Variants in PTPRR observed in about 807,000 individuals in gnomAD.
PTPRR encodes receptor-type tyrosine-protein phosphatase R.
PTPRR carries 38 observed loss-of-function variants against 77.2 expected under a neutral mutation model. That is an observed-to-expected ratio of 0.49 (90% confidence interval 0.38 to 0.65). The LOEUF (loss-of-function observed/expected upper bound fraction) is 0.65, where lower values mean the gene tolerates loss of function less well. PTPRR is among the 30% of genes least tolerant of loss of function. The pLI is 0.00. For synonymous variants in PTPRR, 299 were observed against 283.1 expected, an observed-to-expected ratio of 1.06 and a Z score of -0.57; for missense variants, 744 against 799.2, an observed-to-expected ratio of 0.93 and a Z score of 0.83.
At chr12:70,914,934 T>C (rs1893753121) in intron 1 of PTPRR, among the ~76,000 whole-genome samples, 1 of 152,172 alleles carries the variant, frequency 6.6e-6, no homozygotes, top group Non-Finnish European at 1.5e-5. Context: ...GGGAGATAAC[T>C]GAGATGGAAA....
intron 6 of PTPRR, among the ~76,000 whole-genome samples, chr12:70,711,015 G>A (rs1888807789): frequency 6.6e-6 from 1 of 152,084 alleles, no homozygotes; most frequent in Admixed American, 6.6e-5. Context: ...CCTATAGACA[G>A]AAATATCATT....
chr12:70,869,095 T>C (rs1426127787), intron 2 of PTPRR, among the ~76,000 whole-genome samples: 1 of 148,804 alleles, frequency 6.7e-6, no homozygotes, highest in Non-Finnish European at 1.5e-5. Context: ...AATGACGAGT[T>C]AATGGGTGCA....
chr12:70,658,112 C>G (rs200835584), intron 12 of PTPRR, among the ~76,000 whole-genome samples: 21 of 152,270 alleles, frequency 1.4e-4, no homozygotes, highest in African/African-American at 5.1e-4. Flanking sequence ...AACTTTCAAG[C>G]CTTATGTATT....
intron 2 of PTPRR, among the ~76,000 whole-genome samples, chr12:70,889,399 T>A (rs1262101812): frequency 6.6e-6 from 1 of 152,138 alleles, no homozygotes; most frequent in East Asian, 1.9e-4. Context: ...CAAAAGGTAG[T>A]CAACAGCAGA....
intron 6 of PTPRR, among the ~76,000 whole-genome samples, chr12:70,733,084 G>A (rs1051736830): frequency 4.9e-4 from 74 of 152,136 alleles, no homozygotes; most frequent in African/African-American, 1.7e-3. Context: ...CCTGGAAAAG[G>A]GGAGAATCCT....
At chr12:70,884,074 G>A (rs146338727) in intron 2 of PTPRR, among the ~76,000 whole-genome samples, 55 of 152,328 alleles carry the variant, frequency 3.6e-4, no homozygotes, top group African/African-American at 1.2e-3. Flanking sequence ...TTGTAGACTA[G>A]CACTGGGAGT....
At chr12:70,701,374 G>A in intron 6 of PTPRR, 51 bp from the exon 7 acceptor site, 1 of 1,531,614 alleles carries the variant, frequency 6.5e-7, no homozygotes, top group Non-Finnish European at 9.0e-7. Flanking sequence ...TATTTTGATT[G>A]CAAAAACTTG....
At chr12:70,849,945 T>C (rs573874232) in intron 2 of PTPRR, among the ~76,000 whole-genome samples, 5 of 152,324 alleles carry the variant, frequency 3.3e-5, no homozygotes, top group Non-Finnish European at 7.4e-5. Context: ...TTGCCTAAAC[T>C]ATAAATGCAA....
At chr12:70,713,915 A>G (rs1888923986) in intron 6 of PTPRR, among the ~76,000 whole-genome samples, 1 of 152,128 alleles carries the variant, frequency 6.6e-6, no homozygotes, top group South Asian at 2.1e-4. Flanking sequence ...TATTTGGTCA[A>G]ACCTTATTGT....
At chr12:70,710,985 C>A (rs569040499) in intron 6 of PTPRR, among the ~76,000 whole-genome samples, 1 of 152,048 alleles carries the variant, frequency 6.6e-6, no homozygotes, top group African/African-American at 2.4e-5. Context: ...GTGAAAGACA[C>A]GGTGGCAATT....
chr12:70,755,839 T>A (rs1159987104), intron 4 of PTPRR, among the ~76,000 whole-genome samples: 1 of 152,184 alleles, frequency 6.6e-6, no homozygotes, highest in Non-Finnish European at 1.5e-5. Flanking sequence ...TTTCACCTCT[T>A]TGACGTCAGC....
intron 2 of PTPRR, among the ~76,000 whole-genome samples, chr12:70,843,260 C>G (rs1259233997): frequency 6.6e-6 from 1 of 152,154 alleles, no homozygotes; most frequent in Non-Finnish European, 1.5e-5. Context: ...AGTCTTTATG[C>G]TCTCTGGTTA....
rs1418430417 is a variant in PTPRR, at chr12:70,733,467, T to C, written c.1007+12351A>G. 6.3e-4 allele frequency among the ~76,000 whole-genome samples: 46 copies of C among 72,940 alleles called. 1 individual carries two copies. The highest frequency in any genetic ancestry group is 3.8e-3 in the African/African-American group (46 of 12,156). The allele number at this position is 72,940 out of a possible 152,430, so 47.9% of individuals were successfully genotyped here. On this transcript the variant is annotated intron_variant, in intron 6 of 13. Coordinates refer to ENST00000283228, the MANE Select transcript of PTPRR (RefSeq NM_002849.4). ...AAAAGAAAGAAAAAAAGAAAAATTATGGCAAAAAAAAAAAGAAAAAAAAAG... is the reference window on the plus strand; with the variant it reads ...AAAAGAAAGAAAAAAAGAAAAATTACGGCAAAAAAAAAAAGAAAAAAAAAG...
chr12:70,787,025 A>G (rs1041626611), intron 2 of PTPRR, among the ~76,000 whole-genome samples: 1 of 152,206 alleles, frequency 6.6e-6, no homozygotes, highest in South Asian at 2.1e-4. Flanking sequence ...ATTTTCCACA[A>G]TGTGTTATTT....
intron 10 of PTPRR, chr12:70,664,311 T>C (rs1247617716): frequency 1.3e-5 from 2 of 152,108 alleles, no homozygotes; most frequent in Non-Finnish European, 2.9e-5. Context: ...TTTCCCACTT[T>C]GTTAAAGGTA....
intron 1 of PTPRR, among the ~76,000 whole-genome samples, chr12:70,906,352 G>A (rs1893621609): frequency 6.6e-6 from 1 of 151,894 alleles, no homozygotes; most frequent in African/African-American, 2.4e-5. Flanking sequence ...AAAGAAATAA[G>A]TTTTTCCATA....
At chr12:70,674,380 C>T (rs1003263623) in intron 10 of PTPRR, among the ~76,000 whole-genome samples, 3 of 152,010 alleles carry the variant, frequency 2.0e-5, no homozygotes, top group African/African-American at 7.2e-5. Context: ...CATATTCATG[C>T]CTATAAACTT....
chr12:70,909,474 C>T lies in PTPRR; in HGVS notation c.58+10859G>A, dbSNP rs529494831. The stretch of plus-strand genomic sequence containing the variant: ...CACATTTCATGCTGGCACTCCTTTC[C>T]GGAACAAAGCATTTCATCAAACTTT... On this transcript the variant is annotated intron_variant, in intron 1 of 13. Transcript: ENST00000283228. 1.9e-4 allele frequency among the ~76,000 whole-genome samples: 29 copies of T among 152,252 alleles called. No individual in the cohort carries two copies. The South Asian group carries it at 6.0e-3, about 32-fold the overall frequency.
chr12:70,684,918 C>G, intron 8 of PTPRR, 135 bp from the exon 9 acceptor site: 1 of 578,356 alleles, frequency 1.7e-6, no homozygotes, highest in East Asian at 3.1e-5. Flanking sequence ...TCTTTGGTGT[C>G]CATTGCTTGA....
Sources: gnomAD v4.1 joint callset for allele counts (sites outside exome capture counted in the v4.1 genomes callset) on GRCh38, gnomAD v4.1.1 for gene constraint, MANE v1.5 for transcripts, NCBI Gene and HGNC (gene_info 2026-07-23, HGNC 2026-07-21) for gene names.